Variants in DLGAP1 observed in about 807,000 individuals in gnomAD.
DLGAP1 encodes the protein disks large-associated protein 1.
Under a neutral mutation model 90.8 loss-of-function variants are expected in DLGAP1, and 11 were observed. The observed-to-expected ratio is 0.12, with a 90% CI of 0.08 to 0.20. DLGAP1 has a LOEUF of 0.20. DLGAP1 is among the 10% of genes least tolerant of loss of function. The probability of loss-of-function intolerance (pLI) is 1.00; values close to 1 mark genes in which losing one functional copy is unlikely to be tolerated. For synonymous variants in DLGAP1, 558 were observed against 540.7 expected, an observed-to-expected ratio of 1.03 and a Z score of -0.44; for missense variants, 1,050 against 1,333.8, an observed-to-expected ratio of 0.79 and a Z score of 3.31.
intron 1 of DLGAP1, among the ~76,000 whole-genome samples, chr18:4,346,389 C>T (rs2081303524): frequency 6.6e-6 from 1 of 152,024 alleles, no homozygotes; most frequent in African/African-American, 2.4e-5. Flanking sequence ...GGTATTACTA[C>T]CAAAATGCTT....
chr18:3,651,112 G>T (rs1007565152), intron 7 of DLGAP1, among the ~76,000 whole-genome samples: 4 of 151,694 alleles, frequency 2.6e-5, no homozygotes, highest in African/African-American at 9.7e-5. Context: ...TGGAATCCCA[G>T]CACTTTGGGA....
chr18:3,803,673 TG>T (rs1420460162), intron 5 of DLGAP1, among the ~76,000 whole-genome samples: 1 of 151,570 alleles, frequency 6.6e-6, no homozygotes, highest in Non-Finnish European at 1.5e-5. Flanking sequence ...CATGAGTCAG[TG>T]GGAGGAAAGA....
chr18:3,946,535 C>G (rs1045417589), intron 3 of DLGAP1, among the ~76,000 whole-genome samples: 11 of 152,106 alleles, frequency 7.2e-5, no homozygotes, highest in African/African-American at 2.7e-4. Flanking sequence ...TGCTTTATTA[C>G]TTGGTTCAAT....
chr18:4,446,075 G>A (rs915148563), intron 1 of DLGAP1, among the ~76,000 whole-genome samples: 2 of 152,112 alleles, frequency 1.3e-5, no homozygotes, highest in African/African-American at 4.8e-5. Flanking sequence ...AAAAATAGCT[G>A]GAACAGCAGA....
chr18:3,781,011 A>G (rs2065165917), intron 5 of DLGAP1, among the ~76,000 whole-genome samples: 1 of 151,996 alleles, frequency 6.6e-6, no homozygotes, highest in Non-Finnish European at 1.5e-5. Context: ...TTTTGTAGAG[A>G]TGTGGTCGGT....
chr18:3,516,914 A>G (rs892653648), intron 10 of DLGAP1, among the ~76,000 whole-genome samples: 6 of 152,208 alleles, frequency 3.9e-5, no homozygotes, highest in African/African-American at 1.4e-4. Flanking sequence ...ATCAGATGTC[A>G]TGTTTGCAGG....
intron 3 of DLGAP1, among the ~76,000 whole-genome samples, chr18:3,977,432 G>GTTTTTTTTTT (rs1467413382): frequency 7.6e-5 from 4 of 52,748 alleles, no homozygotes; most frequent in African/African-American, 3.4e-4. Flanking sequence ...TGTTTATTCT[G>GTTTTTTTTTT]TGTTTTTTTT....
intron 7 of DLGAP1, among the ~76,000 whole-genome samples, chr18:3,693,050 C>A (rs2060953620): frequency 6.6e-6 from 1 of 152,174 alleles, no homozygotes; most frequent in Non-Finnish European, 1.5e-5. Flanking sequence ...CATTACATTT[C>A]TTTGCACTGC....
At chr18:3,627,284 T>G (rs1349450494) in intron 7 of DLGAP1, among the ~76,000 whole-genome samples, 1 of 152,178 alleles carries the variant, frequency 6.6e-6, no homozygotes, top group Non-Finnish European at 1.5e-5. Flanking sequence ...GTGTGATTAC[T>G]AATACAATGC....
At chr18:3,802,612 T>C (rs77407337) in intron 5 of DLGAP1, among the ~76,000 whole-genome samples, 6,326 of 152,316 alleles carry the variant, frequency 0.042, 451 homozygotes, top group African/African-American at 0.14. Context: ...GTTTTTCTTT[T>C]TTTTGGACAA....
chr18:3,828,452 C>T (rs2067843404), intron 4 of DLGAP1, among the ~76,000 whole-genome samples: 1 of 151,932 alleles, frequency 6.6e-6, no homozygotes, highest in Non-Finnish European at 1.5e-5. Flanking sequence ...TCAGCCTGGG[C>T]AACAGAGCAA....
intron 7 of DLGAP1, among the ~76,000 whole-genome samples, chr18:3,599,929 T>G (rs2056804614): frequency 6.6e-6 from 1 of 151,950 alleles, no homozygotes; most frequent in Non-Finnish European, 1.5e-5. Flanking sequence ...TTTTTTTTTT[T>G]TTTTTAAAGA....
chr18:4,246,280 GA>G (rs754042768), intron 1 of DLGAP1, among the ~76,000 whole-genome samples: 4 of 151,580 alleles, frequency 2.6e-5, no homozygotes, highest in South Asian at 4.2e-4. Flanking sequence ...TAAAAAAAAG[GA>G]AAAAAAATAG....
intron 4 of DLGAP1, among the ~76,000 whole-genome samples, chr18:3,837,849 CAAAAAAAAAAAAAAAAA>C (rs5822770): frequency 3.7e-5 from 1 of 26,798 alleles, no homozygotes; most frequent in Non-Finnish European, 6.3e-5. Flanking sequence ...GAGATTCTGT[CAAAAAAAAAAAAAAAAA>C]AAAAAAAAAA....
intron 1 of DLGAP1, among the ~76,000 whole-genome samples, chr18:4,339,136 G>A (rs1261812503): frequency 1.3e-5 from 2 of 152,152 alleles, no homozygotes; most frequent in Admixed American, 6.5e-5. Flanking sequence ...ATGAATTATT[G>A]ACTCTTTCAG....
chr18:3,801,126 A>G (rs2066268967), intron 5 of DLGAP1, among the ~76,000 whole-genome samples: 1 of 152,118 alleles, frequency 6.6e-6, no homozygotes, highest in Non-Finnish European at 1.5e-5. Flanking sequence ...CGTGAACTCA[A>G]AGTGAGAACC....
chr18:3,681,394 A>C (rs1042260177), intron 7 of DLGAP1, among the ~76,000 whole-genome samples: 2 of 152,236 alleles, frequency 1.3e-5, no homozygotes, highest in Admixed American at 1.3e-4. Flanking sequence ...ATGCTAATAA[A>C]AGTGTAAGGC....
chr18:3,596,014 G>A (rs1205759775), intron 7 of DLGAP1, among the ~76,000 whole-genome samples: 1 of 152,186 alleles, frequency 6.6e-6, no homozygotes, highest in African/African-American at 2.4e-5. Context: ...CAGGCCCAAG[G>A]TCAGGGTTAC....
intron 1 of DLGAP1, among the ~76,000 whole-genome samples, chr18:4,418,944 C>T (rs953113827): frequency 2.6e-5 from 4 of 151,732 alleles, no homozygotes; most frequent in South Asian, 4.1e-4. Context: ...ATTCAAACTG[C>T]TAAAAACAAA....
Sources: gnomAD v4.1 joint callset for allele counts (sites outside exome capture counted in the v4.1 genomes callset) on GRCh38, gnomAD v4.1.1 for gene constraint, MANE v1.5 for transcripts, NCBI Gene and HGNC (gene_info 2026-07-23, HGNC 2026-07-21) for gene names.